The following MSR1 variants were observed in gnomAD, a reference collection of about 807,000 sequenced individuals.
The protein encoded by MSR1 is macrophage scavenger receptor types I and II.
Under a neutral mutation model 47.2 loss-of-function variants are expected in MSR1, and 53 were observed. The ratio of observed to expected loss-of-function variants is 1.12; its 90% CI spans 0.90 to 1.41. MSR1 has a LOEUF of 1.41. Ranked by LOEUF, MSR1 falls within the 40% of genes most tolerant of loss-of-function variation. The pLI, the probability that MSR1 is intolerant of heterozygous loss-of-function variation, is 0.00. For missense variants in MSR1, 786 were observed against 546.9 expected (o/e 1.44, Z -4.36); for synonymous variants, 239 against 185.6 (o/e 1.29, Z -2.34).
intron 9 of MSR1, among the ~76,000 whole-genome samples, chr8:16,114,436 C>T (rs1003350740): frequency 6.6e-6 from 1 of 152,120 alleles, no homozygotes; most frequent in Non-Finnish European, 1.5e-5. Context: ...CTTCCCTCAT[C>T]AGCATCCATA....
chr8:16,178,043 C>T, intron 1 of MSR1, 51 bp from the exon 2 acceptor site: 2 of 1,381,718 alleles, frequency 1.4e-6, no homozygotes, highest in Non-Finnish European at 2.0e-6. Context: ...ATGGCTAGGG[C>T]TCTTTTGCAT....
At chr8:16,129,055 T>C (rs958808481) in intron 8 of MSR1, among the ~76,000 whole-genome samples, 3 of 152,098 alleles carry the variant, frequency 2.0e-5, no homozygotes, top group African/African-American at 7.2e-5. Flanking sequence ...ATAATCATTT[T>C]ATAGGGGAAA....
rs764504698 is a variant in MSR1 at position 16,164,246 on chromosome 8, GATT to G, written c.633_635del (p.Glu211_Ile212delinsAsp). On this transcript the variant is annotated inframe_deletion and splice_region_variant, in exon 5 of 10. Coordinates refer to ENST00000262101, the MANE Select transcript of MSR1 (RefSeq NM_138715.3). ...TGTAAACACGCTCCTCTAATTTACT[GATT>G]TCCTGTAAAACATAAGTGAGCATTC... 2 of 1,611,026 alleles carry G rather than the reference GATT, an allele frequency of 1.2e-6. No individual in the cohort carries two copies. Among genetic ancestry groups the G allele is most frequent in the South Asian group, 2.2e-5 (2 of 91,006 alleles).
At chr8:16,163,623 G>A (rs1230200681) in intron 5 of MSR1, among the ~76,000 whole-genome samples, 3 of 151,438 alleles carry the variant, frequency 2.0e-5, no homozygotes, top group Non-Finnish European at 4.4e-5. Flanking sequence ...AACAGGCACT[G>A]CAGAAGAAAT....
chr8:16,158,653 C>T (rs969223244), intron 5 of MSR1, among the ~76,000 whole-genome samples: 1 of 151,376 alleles, frequency 6.6e-6, no homozygotes, highest in African/African-American at 2.4e-5. Context: ...AGTTTTCATG[C>T]TCATTGATTT....
intron 7 of MSR1, among the ~76,000 whole-genome samples, chr8:16,143,874 G>C (rs1471291479): frequency 1.2e-4 from 18 of 151,992 alleles, no homozygotes. Flanking sequence ...GAAGAATAAG[G>C]AGTTTGTTTT....
At chr8:16,160,190 G>A (rs1198515981) in intron 5 of MSR1, among the ~76,000 whole-genome samples, 1 of 151,288 alleles carries the variant, frequency 6.6e-6, no homozygotes, top group Non-Finnish European at 1.5e-5. Flanking sequence ...ATTACAGTCT[G>A]GGCAGGAAAC....
intron 8 of MSR1, chr8:16,121,251 T>C (rs1799999880): frequency 2.6e-6 from 1 of 384,156 alleles, no homozygotes; most frequent in Admixed American, 3.4e-5. Flanking sequence ...CAGACAATTT[T>C]GTTTATTTTT....
chr8:16,186,506 A>T (rs1802004371), intron 1 of MSR1, among the ~76,000 whole-genome samples: 4 of 151,992 alleles, frequency 2.6e-5, no homozygotes, highest in Non-Finnish European at 5.9e-5. Flanking sequence ...GCCTTTTCTC[A>T]TCCACTACAT....
chr8:16,139,898 A>G (rs1389568185), intron 8 of MSR1: 1 of 413,716 alleles, frequency 2.4e-6, no homozygotes. Context: ...TAAGGAATTA[A>G]AATTTTTTTA....
intron 7 of MSR1, among the ~76,000 whole-genome samples, chr8:16,144,591 T>C (rs914965040): frequency 6.6e-6 from 1 of 152,110 alleles, no homozygotes; most frequent in Non-Finnish European, 1.5e-5. Flanking sequence ...CTGTGTTGAG[T>C]TATTTTGCTC....
intron 7 of MSR1, among the ~76,000 whole-genome samples, chr8:16,149,054 C>T (rs1800775401): frequency 6.6e-6 from 1 of 152,174 alleles, no homozygotes; most frequent in East Asian, 1.9e-4. Context: ...TGGTGGAGCA[C>T]AGGGGACCTT....
At chr8:16,150,365 T>G (rs1271471198) in intron 6 of MSR1, 54 bp from the exon 7 acceptor site, 1 of 1,049,306 alleles carries the variant, frequency 9.5e-7, no homozygotes, top group East Asian at 2.8e-5. Flanking sequence ...CATACAGACT[T>G]GAGAGTATAA....
In MSR1 at chr8:16,170,383, A is replaced by G. The variant is rs190635250; in HGVS notation, c.218-1513T>C. On this transcript the variant is annotated intron_variant, in intron 3 of 9. Coordinates refer to ENST00000262101, the MANE Select transcript of MSR1 (RefSeq NM_138715.3). ...AAACAAAACATGAATAATTATAGAG[A>G]ATGAGGAAAATGTTAAACACAATCT... 3.9e-3 allele frequency among the ~76,000 whole-genome samples: 588 copies of G among 152,130 alleles called. 3 individuals carry two copies. Among genetic ancestry groups the G allele is most frequent in the Non-Finnish European group, 6.3e-3 (428 of 68,008 alleles).
intron 5 of MSR1, among the ~76,000 whole-genome samples, chr8:16,156,540 C>G (rs1484750): frequency 6.6e-6 from 1 of 151,686 alleles, no homozygotes; most frequent in Non-Finnish European, 1.5e-5. Flanking sequence ...TCCCTTTCTC[C>G]TCATATGCAA....
intron 6 of MSR1, among the ~76,000 whole-genome samples, chr8:16,154,405 C>G (rs768998520): frequency 1.3e-5 from 2 of 151,742 alleles, no homozygotes; most frequent in Non-Finnish European, 2.9e-5. Flanking sequence ...TCTTCTGTGT[C>G]TTCTTTCAAA....
chr8:16,158,440 A>G (rs1585171403), intron 5 of MSR1, among the ~76,000 whole-genome samples: 1 of 152,046 alleles, frequency 6.6e-6, no homozygotes, highest in East Asian at 1.9e-4. Flanking sequence ...CAGGTGTATC[A>G]TATCATTTAA....
At chr8:16,168,351 G>C in intron 4 of MSR1, 107 bp downstream of exon 4, 1 of 1,077,674 alleles carries the variant, frequency 9.3e-7, no homozygotes, top group Non-Finnish European at 1.4e-6. Flanking sequence ...GGGTAAACAG[G>C]ATGATGAAAC....
Position 16,110,231 on chromosome 8 carries a change from G to C in MSR1, c.1223-13C>G. 1 of 1,612,632 alleles carries C rather than the reference G, an allele frequency of 6.2e-7. No individual in the cohort carries two copies. Among genetic ancestry groups the C allele is most frequent in the Middle Eastern group, 1.7e-4 (1 of 6,052 alleles). On this transcript the variant is annotated splice_polypyrimidine_tract_variant and intron_variant, in intron 9 of 9. Coordinates refer to ENST00000262101, the MANE Select transcript of MSR1 (RefSeq NM_138715.3). The stretch of plus-strand genomic sequence containing the variant: ...ATTGGACCAGTACCTGCAATAATGA[G>C]GTATAACTGCATTAGTAAGTTTAGA...
Sources: gnomAD v4.1 joint callset for allele counts (sites outside exome capture counted in the v4.1 genomes callset) on GRCh38, gnomAD v4.1.1 for gene constraint, MANE v1.5 for transcripts, NCBI Gene and HGNC (gene_info 2026-07-23, HGNC 2026-07-21) for gene names.